MUL1: variants seen among roughly 807,000 people sequenced by gnomAD.
The protein encoded by MUL1 is mitochondrial ubiquitin ligase activator of NFKB 1.
A neutral mutation model predicts 34.1 loss-of-function variants in MUL1; 30 were observed. The ratio of observed to expected loss-of-function variants is 0.88; its 90% confidence interval spans 0.66 to 1.19. The LOEUF is 1.19. MUL1 is among the 50% of genes most tolerant of loss of function. The pLI is 0.00. For missense variants in MUL1, 419 were observed against 450.5 expected (o/e 0.93, Z 0.63); for synonymous variants, 191 against 187.8 (o/e 1.02, Z -0.14).
rs140040686 is a variant in MUL1, at chr1:20,502,772, G to A, written c.208+450C>T. On this transcript the variant is annotated intron_variant, in intron 2 of 3. Coordinates refer to ENST00000264198, the MANE Select transcript of MUL1 (RefSeq NM_024544.3). Reference sequence around the variant, plus strand: ...TGGTCTCAAACTCCTGAGCTCAAGTGATCAGCCCATCTCAGCCTCCCAAAG... The same window carrying A: ...TGGTCTCAAACTCCTGAGCTCAAGTAATCAGCCCATCTCAGCCTCCCAAAG... Among the ~76,000 whole-genome samples the A allele has an allele frequency of 9.6e-3, 1,455 of 152,152 alleles. 7 individuals carry two copies. The highest frequency in any genetic ancestry group is 0.016 in the Non-Finnish European group (1,091 of 68,006).
rs779965461 is a variant in MUL1, at chr1:20,500,904, T to C, written c.845A>G (p.His282Arg). Residue 282 changes from histidine to arginine, a missense_variant, in exon 4 of 4, where the codon CAT becomes CGT. Physicochemically the swap from His to Arg is conservative, Grantham distance 29. Transcript: ENST00000264198. Reference protein sequence around the residue: ...LKQMQEEFQEHEAQLLSRAKP... With the variant: ...LKQMQEEFQEREAQLLSRAKP... ...GGCTCGGCTCAGCAGCTGGGCCTCA[T>C]GCTCCTGGAACTCCTCCTGCATCTG... 2.5e-6 allele frequency: 4 copies of C among 1,614,016 alleles called. No individual in the cohort carries two copies. The highest frequency in any genetic ancestry group is 3.3e-5 in the Admixed American group (2 of 60,006).
In MUL1 at chr1:20,503,102, A is replaced by C. The variant is rs1350502093; in HGVS notation, c.208+120T>G. On this transcript the variant is annotated intron_variant, in intron 2 of 3. Coordinates refer to ENST00000264198, the MANE Select transcript of MUL1 (RefSeq NM_024544.3). The stretch of plus-strand genomic sequence containing the variant: ...CAATAACCCATGTCTTTCTGACCCC[A>C]AAGTATGTTCTGGACCATGGACCCA... 4 of 626,360 alleles carry C rather than the reference A, an allele frequency of 6.4e-6. No individual in the cohort carries two copies. The African/African-American group carries it at 7.6e-5, about 12-fold the overall frequency. 38.8% of individuals were successfully genotyped at this position (626,360 alleles called of 1,614,324 possible).
At chr1:20,506,711 G>A (rs527996295) in intron 1 of MUL1, among the ~76,000 whole-genome samples, 184 of 151,896 alleles carry the variant, frequency 1.2e-3, no homozygotes, top group African/African-American at 4.1e-3. Flanking sequence ...TTAGCCAGGC[G>A]TGGTGGCAGG....
chr1:20,502,204 A>G lies in MUL1; in HGVS notation c.209-15T>C, dbSNP rs1239921764. 1 of 1,613,556 alleles carries G rather than the reference A, an allele frequency of 6.2e-7. No individual in the cohort carries two copies. Among genetic ancestry groups the G allele is most frequent in the Admixed American group, 1.7e-5 (1 of 59,996 alleles). ...CCGCACAGCTCCTAAGTGGACACAA[A>G]TTCTATTATTTCTGAAGAAGTTTTC... On this transcript the variant is annotated splice_polypyrimidine_tract_variant and intron_variant, in intron 2 of 3. Transcript: ENST00000264198.
intron 1 of MUL1, among the ~76,000 whole-genome samples, chr1:20,504,033 G>C (rs376658292): frequency 6.6e-6 from 1 of 152,000 alleles, no homozygotes; most frequent in African/African-American, 2.4e-5. Flanking sequence ...CACCACACCT[G>C]TCTAATTTTT....
At chr1:20,503,822 T>C (rs966027284) in intron 1 of MUL1, among the ~76,000 whole-genome samples, 4 of 151,742 alleles carry the variant, frequency 2.6e-5, no homozygotes, top group Non-Finnish European at 5.9e-5. Flanking sequence ...GCAGGGGGAG[T>C]TGCCTTTGCT....
In MUL1 at chr1:20,500,477, A is replaced by G. The variant is rs1324627534; in HGVS notation, c.*213T>C. ...ATCCTCCCAGGGTGAGGCTCTGATGAGGCTGCACATGGACAGGGTCCCCTC... is the reference window on the plus strand; with the variant it reads ...ATCCTCCCAGGGTGAGGCTCTGATGGGGCTGCACATGGACAGGGTCCCCTC... On this transcript the variant is annotated 3_prime_UTR_variant, in exon 4 of 4. Transcript: ENST00000264198. 2 of 551,748 alleles carry G rather than the reference A, an allele frequency of 3.6e-6. No individual in the cohort carries two copies. The highest frequency in any genetic ancestry group is 6.5e-5 in the South Asian group (2 of 30,596). The allele number at this position is 551,748 out of a possible 1,614,324, so 34.2% of individuals were successfully genotyped here.
chr1:20,502,323 AG>A, intron 2 of MUL1, 134 bp from the exon 3 acceptor site: 1 of 1,218,170 alleles, frequency 8.2e-7, no homozygotes, highest in Admixed American at 2.0e-5. Flanking sequence ...CCAAGTCAGA[AG>A]GATCACTTGG....
chr1:20,505,582 C>CAAAAAAAAAAAAAAAAAAAA (rs11338654), intron 1 of MUL1, among the ~76,000 whole-genome samples: 4 of 57,168 alleles, frequency 7.0e-5, no homozygotes, highest in Admixed American at 2.4e-4. Flanking sequence ...GACCATGTCT[C>CAAAAAAAAAAAAAAAAAAAA]AAAAAAAAAA....
intron 2 of MUL1, among the ~76,000 whole-genome samples, chr1:20,502,844 A>T (rs563681356): frequency 7.9e-5 from 12 of 151,054 alleles, no homozygotes; most frequent in South Asian, 4.2e-4. Context: ...TCAAAAAAAA[A>T]TTTTTTTTTT....
chr1:20,508,115 C>CA lies in MUL1; in HGVS notation c.-92_-91insT, dbSNP rs1436154120. On this transcript the variant is annotated 5_prime_UTR_variant, in exon 1 of 4. Transcript: ENST00000264198. ...ACCTCCTTCCGACCAGGACCGCACC[C>CA]CCCCGGCCTAACCTGACCGGAAACT... is the stretch of plus-strand genomic sequence containing the variant. 12 of 1,500,254 alleles carry CA rather than the reference C, an allele frequency of 8.0e-6. No homozygotes were observed. In the African/African-American group the frequency reaches 1.1e-4, roughly 14 times the overall value. 92.9% of individuals were successfully genotyped at this position (1,500,254 alleles called of 1,614,324 possible).
At position 20,501,320 on chromosome 1, in the gene MUL1, CT is replaced by C; in HGVS notation, c.428del (p.Lys143SerfsTer10). 1.2e-6 allele frequency: 2 copies of C among 1,614,190 alleles called. No individual in the cohort carries two copies. The highest frequency in any genetic ancestry group is 1.7e-6 in the Non-Finnish European group (2 of 1,180,044). On this transcript the variant is annotated frameshift_variant, in exon 4 of 4. Coordinates refer to ENST00000264198, the MANE Select transcript of MUL1 (RefSeq NM_024544.3). LOFTEE classifies it high-confidence loss of function. This position sits in a 1 kb window ranked among gnomAD's most constrained non-coding sequence, Gnocchi z 4.2. Reference sequence around the variant, plus strand: ...GACCCAGATCCACTGAGTCCAGGGGCTTCAGCACTCGCACAGCCACATCCAC... The same window carrying C: ...GACCCAGATCCACTGAGTCCAGGGGCTCAGCACTCGCACAGCCACATCCAC... ...DGVDVAVRVL[K>X]PLDSVDLGLE...
chr1:20,501,906 A>G lies in MUL1; in HGVS notation c.329+163T>C, dbSNP rs551556924. Reference sequence around the variant, plus strand: ...TCAACAAGATGCCTCGGTGATTCCGACATAGGAGGCCCACAGGCTACACAC... The same window carrying G: ...TCAACAAGATGCCTCGGTGATTCCGGCATAGGAGGCCCACAGGCTACACAC... On this transcript the variant is annotated intron_variant, in intron 3 of 3. Coordinates refer to ENST00000264198, the MANE Select transcript of MUL1 (RefSeq NM_024544.3). The surrounding 1 kb of genome is among the most constrained non-coding windows in gnomAD (Gnocchi z 4.2). Among the ~76,000 whole-genome samples, 3 of 152,326 alleles carry G rather than the reference A, an allele frequency of 2.0e-5. No individual in the cohort carries two copies. The highest frequency in any genetic ancestry group is 2.0e-4 in the Admixed American group (3 of 15,302).
intron 2 of MUL1, among the ~76,000 whole-genome samples, chr1:20,502,856 AT>A (rs1269043595): frequency 6.6e-6 from 1 of 152,028 alleles, no homozygotes; most frequent in Non-Finnish European, 1.5e-5. Context: ...TTTTTTTTTA[AT>A]TTAAAAAATG....
At position 20,508,119 on chromosome 1, in the gene MUL1, C is replaced by A. The variant is rs756711417; in HGVS notation, c.-95G>T. Reference sequence around the variant, plus strand: ...CCTTCCGACCAGGACCGCACCCCCCCGGCCTAACCTGACCGGAAACTCGAA... The same window carrying A: ...CCTTCCGACCAGGACCGCACCCCCCAGGCCTAACCTGACCGGAAACTCGAA... On this transcript the variant is annotated 5_prime_UTR_variant, in exon 1 of 4. Transcript: ENST00000264198. The A allele has an allele frequency of 3.4e-4, 493 of 1,458,572 alleles. No individual in the cohort carries two copies. Among genetic ancestry groups the A allele is most frequent in the Non-Finnish European group, 4.2e-4 (465 of 1,101,094 alleles). The allele number at this position is 1,458,572 out of a possible 1,614,324, so 90.4% of individuals were successfully genotyped here. A position where few individuals can be genotyped will look rare whatever the true frequency, so the allele number is the denominator to read the frequency against.
Position 20,499,926 on chromosome 1 carries a change from AG to A in MUL1, c.*763del, listed in dbSNP as rs1414316865. ...GCCTCATTCTCCAGGAGGGAAAACC[AG>A]GGACCACCCCGAGCTCTCCCAAGTG... On this transcript the variant is annotated 3_prime_UTR_variant, in exon 4 of 4. Transcript: ENST00000264198. The A allele has an allele frequency of 1.3e-5, 2 of 152,350 alleles. No homozygotes were observed. The highest frequency in any genetic ancestry group is 2.9e-5 in the Non-Finnish European group (2 of 68,138). 9.4% of individuals were successfully genotyped at this position (152,350 alleles called of 1,614,324 possible). A position where few individuals can be genotyped will look rare whatever the true frequency, so the allele number is the denominator to read the frequency against.
intron 1 of MUL1, 41 bp from the exon 2 acceptor site, chr1:20,503,350 A>G: frequency 8.5e-7 from 1 of 1,178,324 alleles, no homozygotes; most frequent in Non-Finnish European, 1.2e-6. Context: ...GCCATTGAAC[A>G]CTGACATGCT....
Position 20,501,423 on chromosome 1 carries a change from G to A in MUL1, c.330-4C>T, listed in dbSNP as rs1350222356. On this transcript the variant is annotated splice_polypyrimidine_tract_variant and splice_region_variant and intron_variant, in intron 3 of 3. Transcript: ENST00000264198. This position sits in a 1 kb window ranked among gnomAD's most constrained non-coding sequence, Gnocchi z 4.2. ...AATGATCTTTGAGCAATCATTCCTA[G>A]AAGAATAAGAGAACTAAAGATACAG... 1 of 1,608,714 alleles carries A rather than the reference G, an allele frequency of 6.2e-7. No homozygotes were observed.
rs2051632379 is a variant in MUL1, at chr1:20,499,609, C to T, written c.*1081G>A. 1 of 152,182 alleles carries T rather than the reference C, an allele frequency of 6.6e-6. No homozygotes were observed. The highest frequency in any genetic ancestry group is 1.5e-5 in the Non-Finnish European group (1 of 68,034). 9.4% of individuals were successfully genotyped at this position (152,182 alleles called of 1,614,324 possible). On this transcript the variant is annotated 3_prime_UTR_variant, in exon 4 of 4. Coordinates refer to ENST00000264198, the MANE Select transcript of MUL1 (RefSeq NM_024544.3). ...AAAAAAGAGCTGTGTATGTGACCTC[C>T]AACTACTCAGAGGTGGGGGAAAACA... is the stretch of plus-strand genomic sequence containing the variant.
Sources: gnomAD v4.1 joint callset for allele counts (sites outside exome capture counted in the v4.1 genomes callset) on GRCh38, gnomAD v4.1.1 for gene constraint, Gnocchi (gnomAD v3.1) non-coding constraint, MANE v1.5 for transcripts, NCBI Gene and HGNC (gene_info 2026-07-23, HGNC 2026-07-21) for gene names.